The following ZDHHC3 variants were observed in gnomAD, a reference collection of about 807,000 sequenced individuals.
ZDHHC3 encodes palmitoyltransferase ZDHHC3.
A neutral mutation model predicts 30.6 loss-of-function variants in ZDHHC3; 9 were observed. The ratio of observed to expected loss-of-function variants is 0.29; its 90% CI spans 0.18 to 0.51. The LOEUF (loss-of-function observed/expected upper bound fraction) is 0.51, where lower values mean the gene tolerates loss of function less well. Ranked by LOEUF, ZDHHC3 falls within the 20% of genes least tolerant of loss-of-function variation. The pLI, the probability that ZDHHC3 is intolerant of heterozygous loss-of-function variation, is 0.97. For missense variants in ZDHHC3, 246 were observed against 384.2 expected, an observed-to-expected ratio of 0.64 and a Z score of 3.01; for synonymous variants, 136 against 140.2, an observed-to-expected ratio of 0.97 and a Z score of 0.21.
At chr3:44,938,649 G>A (rs1252485110) in intron 3 of ZDHHC3, among the ~76,000 whole-genome samples, 5 of 152,186 alleles carry the variant, frequency 3.3e-5, no homozygotes, top group Non-Finnish European at 7.3e-5. Context: ...AATGGCAGGT[G>A]GATGCTGGAG....
At chr3:44,960,117 ATC>A (rs1704342959) in intron 1 of ZDHHC3, among the ~76,000 whole-genome samples, 1 of 152,166 alleles carries the variant, frequency 6.6e-6, no homozygotes, top group Non-Finnish European at 1.5e-5. Context: ...GTTATTAGAG[ATC>A]TACTGGGTAG....
At chr3:44,952,544 G>C (rs989941145) in intron 2 of ZDHHC3, among the ~76,000 whole-genome samples, 5 of 152,196 alleles carry the variant, frequency 3.3e-5, no homozygotes, top group Non-Finnish European at 1.5e-5. Flanking sequence ...CAGAGTCCAA[G>C]CTCCTGGGCA....
chr3:44,926,059 C>T lies in ZDHHC3; in HGVS notation c.*630G>A, dbSNP rs763071347. On this transcript the variant is annotated 3_prime_UTR_variant, in exon 7 of 7. Transcript: ENST00000424952. ...CCTCTTTCATCTTTCTCCCCACTCCCCCGCAAAATCATTCTACACACCCCA... is the reference window on the plus strand; with the variant it reads ...CCTCTTTCATCTTTCTCCCCACTCCTCCGCAAAATCATTCTACACACCCCA... 6.1e-6 allele frequency: 6 copies of T among 985,756 alleles called. No homozygotes were observed. Among genetic ancestry groups the T allele is most frequent in the Non-Finnish European group, 7.2e-6 (6 of 829,962 alleles). 61.1% of individuals were successfully genotyped at this position (985,756 alleles called of 1,614,324 possible).
rs1413894524 is a variant in ZDHHC3 at position 44,919,955 on chromosome 3, G to T, written c.*6734C>A. ...AGAAATGCCCAATAATGATGGTTAAGCAAATGATTCTATAACACTATGCAG... is the reference window on the plus strand; with the variant it reads ...AGAAATGCCCAATAATGATGGTTAATCAAATGATTCTATAACACTATGCAG... On this transcript the variant is annotated 3_prime_UTR_variant, in exon 7 of 7. Transcript: ENST00000424952. 2 of 1,045,682 alleles carry T rather than the reference G, an allele frequency of 1.9e-6. No homozygotes were observed. Among genetic ancestry groups the T allele is most frequent in the African/African-American group, 3.3e-5 (2 of 60,250 alleles). The allele number at this position is 1,045,682 out of a possible 1,614,324, so 64.8% of individuals were successfully genotyped here.
rs1700636404 is a variant in ZDHHC3 at position 44,922,121 on chromosome 3, T to C, written c.*4568A>G. The C allele has an allele frequency of 1.0e-6, 1 of 985,350 alleles. No homozygotes were observed. The highest frequency in any genetic ancestry group is 4.7e-5 in the South Asian group (1 of 21,286). 61.0% of individuals were successfully genotyped at this position (985,350 alleles called of 1,614,324 possible). On this transcript the variant is annotated 3_prime_UTR_variant, in exon 7 of 7. Coordinates refer to ENST00000424952, the MANE Select transcript of ZDHHC3 (RefSeq NM_001135179.2). The stretch of plus-strand genomic sequence containing the variant: ...GGAGTACGCTGGTCAGTGGCTTGTT[T>C]CTGCTTCACTGTGAATTCTTTCTCT...
In ZDHHC3 at chr3:44,976,132, A is replaced by T; in HGVS notation, c.-224T>A. The T allele has an allele frequency of 5.5e-6, 3 of 545,122 alleles. No homozygotes were observed. Among genetic ancestry groups the T allele is most frequent in the Non-Finnish European group, 8.6e-6 (3 of 347,728 alleles). 33.8% of individuals were successfully genotyped at this position (545,122 alleles called of 1,614,324 possible). A position where few individuals can be genotyped will look rare whatever the true frequency, so the allele number is the denominator to read the frequency against. On this transcript the variant is annotated 5_prime_UTR_variant, in exon 1 of 7. Transcript: ENST00000424952. Reference sequence around the variant, plus strand: ...GAGAAGCCCATCGAGCTCTCCCGGCAGTGGCGGCGGCCGCGGCTGCAGGAG... The same window carrying T: ...GAGAAGCCCATCGAGCTCTCCCGGCTGTGGCGGCGGCCGCGGCTGCAGGAG...
intron 1 of ZDHHC3, among the ~76,000 whole-genome samples, chr3:44,968,747 C>G (rs1575956020): frequency 2.0e-5 from 3 of 152,250 alleles, no homozygotes; most frequent in African/African-American, 7.2e-5. Context: ...TTCTATGAGC[C>G]CCTTCTGGCA....
chr3:44,956,954 C>T (rs532847839), intron 2 of ZDHHC3, among the ~76,000 whole-genome samples: 1 of 152,292 alleles, frequency 6.6e-6, no homozygotes, highest in East Asian at 1.9e-4. Context: ...CTTACCCCCA[C>T]CTACCATGTT....
chr3:44,925,121 G>A lies in ZDHHC3; in HGVS notation c.*1568C>T. 1 of 985,906 alleles carries A rather than the reference G, an allele frequency of 1.0e-6. No homozygotes were observed. The highest frequency in any genetic ancestry group is 1.2e-6 in the Non-Finnish European group (1 of 829,940). The allele number at this position is 985,906 out of a possible 1,614,324, so 61.1% of individuals were successfully genotyped here. On this transcript the variant is annotated 3_prime_UTR_variant, in exon 7 of 7. Transcript: ENST00000424952. Reference sequence around the variant, plus strand: ...AGAAAACTCAAGTAGATTGTGGATAGTCGGCCTCCCACTAAGGGTAACACC... The same window carrying A: ...AGAAAACTCAAGTAGATTGTGGATAATCGGCCTCCCACTAAGGGTAACACC...
At chr3:44,929,228 G>A in intron 6 of ZDHHC3, 78 bp downstream of exon 6, 1 of 1,556,816 alleles carries the variant, frequency 6.4e-7, no homozygotes, top group Non-Finnish European at 8.7e-7. Flanking sequence ...CTGACTGTGA[G>A]CAGCTCTCCC....
At chr3:44,936,433 G>A (rs1456291739) in intron 3 of ZDHHC3, among the ~76,000 whole-genome samples, 1 of 152,190 alleles carries the variant, frequency 6.6e-6, no homozygotes, top group Admixed American at 6.5e-5. Flanking sequence ...CAACCATTGT[G>A]GAAAGCAGTG....
At chr3:44,944,231 C>T (rs1456936445) in intron 3 of ZDHHC3, among the ~76,000 whole-genome samples, 2 of 152,084 alleles carry the variant, frequency 1.3e-5, no homozygotes, top group African/African-American at 4.8e-5. Context: ...CTCACCGCAA[C>T]CTCTGCCTCC....
intron 1 of ZDHHC3, among the ~76,000 whole-genome samples, chr3:44,964,852 T>C (rs1430020857): frequency 6.6e-6 from 1 of 152,222 alleles, no homozygotes; most frequent in Non-Finnish European, 1.5e-5. Flanking sequence ...CTAAGGGTTT[T>C]ATAGCATTAA....
Position 44,918,972 on chromosome 3 carries a change from A to AAG in ZDHHC3, c.*7716_*7717insCT, listed in dbSNP as rs1700405879. On this transcript the variant is annotated 3_prime_UTR_variant, in exon 7 of 7. Transcript: ENST00000424952. ...CTTTCTCCATCTCTTCTGGAAGCCAAGGGAATTTGCTGTGGGTTTGCTGGG... is the reference window on the plus strand; with the variant it reads ...CTTTCTCCATCTCTTCTGGAAGCCAAAGGGGAATTTGCTGTGGGTTTGCTGGG... The AAG allele has an allele frequency of 1.0e-6, 1 of 985,468 alleles. No homozygotes were observed. Among genetic ancestry groups the AAG allele is most frequent in the Non-Finnish European group, 1.2e-6 (1 of 830,068 alleles). 61.0% of individuals were successfully genotyped at this position (985,468 alleles called of 1,614,324 possible).
rs2125797572 is a variant in ZDHHC3, at chr3:44,925,012, G to A, written c.*1677C>T. The A allele has an allele frequency of 1.0e-6, 1 of 985,590 alleles. No individual in the cohort carries two copies. Among genetic ancestry groups the A allele is most frequent in the Middle Eastern group, 5.2e-4 (1 of 1,914 alleles). The allele number at this position is 985,590 out of a possible 1,614,324, so 61.1% of individuals were successfully genotyped here. ...CCTGGTGGGGCAAGCTGGTTCAAGAGAGGGACCATAAATGCATTTTAAAAC... is the reference window on the plus strand; with the variant it reads ...CCTGGTGGGGCAAGCTGGTTCAAGAAAGGGACCATAAATGCATTTTAAAAC... On this transcript the variant is annotated 3_prime_UTR_variant, in exon 7 of 7. Transcript: ENST00000424952.
chr3:44,929,886 G>A (rs900585448), intron 5 of ZDHHC3, among the ~76,000 whole-genome samples: 3 of 152,200 alleles, frequency 2.0e-5, no homozygotes, highest in Non-Finnish European at 4.4e-5. Flanking sequence ...CCTGTATGAC[G>A]TGCTGCCCCT....
Position 44,959,035 on chromosome 3 carries a change from A to G in ZDHHC3, c.306+96T>C, listed in dbSNP as rs911842394. The G allele has an allele frequency of 2.0e-6, 3 of 1,465,368 alleles. No homozygotes were observed. Among genetic ancestry groups the G allele is most frequent in the Non-Finnish European group, 2.8e-6 (3 of 1,072,348 alleles). 90.8% of individuals were successfully genotyped at this position (1,465,368 alleles called of 1,614,324 possible). ...CCTCCCCTGGCCCTCCTATCCTCCA[A>G]GTTCCCAAGGTCCAGGGGGAACATG... On this transcript the variant is annotated intron_variant, in intron 2 of 6. Coordinates refer to ENST00000424952, the MANE Select transcript of ZDHHC3 (RefSeq NM_001135179.2). This position sits in a 1 kb window ranked among gnomAD's most constrained non-coding sequence, Gnocchi z 4.3.
intron 1 of ZDHHC3, among the ~76,000 whole-genome samples, chr3:44,963,436 A>T (rs1704650832): frequency 6.6e-6 from 1 of 152,172 alleles, no homozygotes; most frequent in Non-Finnish European, 1.5e-5. Context: ...CAAAAGCAAC[A>T]AAAGTAGCTT....
rs1700511378 is a variant in ZDHHC3, at chr3:44,920,401, G to A, written c.*6288C>T. On this transcript the variant is annotated 3_prime_UTR_variant, in exon 7 of 7. Transcript: ENST00000424952. Reference sequence around the variant, plus strand: ...TGGGACATCACCATATGGCAGACCCGGCTACAGAGGAAACACCCAAAAATG... The same window carrying A: ...TGGGACATCACCATATGGCAGACCCAGCTACAGAGGAAACACCCAAAAATG... 6.3e-6 allele frequency: 8 copies of A among 1,276,690 alleles called. No homozygotes were observed. The highest frequency in any genetic ancestry group is 1.5e-5 in the African/African-American group (1 of 65,754). The allele number at this position is 1,276,690 out of a possible 1,614,324, so 79.1% of individuals were successfully genotyped here. A position where few individuals can be genotyped will look rare whatever the true frequency, so the allele number is the denominator to read the frequency against.
Sources: gnomAD v4.1 joint callset for allele counts (sites outside exome capture counted in the v4.1 genomes callset) on GRCh38, gnomAD v4.1.1 for gene constraint, Gnocchi (gnomAD v3.1) non-coding constraint, MANE v1.5 for transcripts, NCBI Gene and HGNC (gene_info 2026-07-23, HGNC 2026-07-21) for gene names.